KIF1B: variants seen among roughly 807,000 people sequenced by gnomAD.
KIF1B encodes kinesin-like protein KIF1B.
In KIF1B, 76 loss-of-function variants were observed where a neutral mutation model predicts 241.9. The ratio of observed to expected loss-of-function variants is 0.31; its 90% CI spans 0.26 to 0.38. KIF1B has a LOEUF of 0.38. KIF1B is among the 10% of genes least tolerant of loss of function. KIF1B has a pLI of 1.00. For missense variants in KIF1B, 1,622 were observed against 2,271.4 expected (o/e 0.71, Z 5.81); for synonymous variants, 750 against 796.7 (o/e 0.94, Z 0.99).
At chr1:10,277,864 T>C in intron 12 of KIF1B, 122 bp from the exon 13 acceptor site, 1 of 859,942 alleles carries the variant, frequency 1.2e-6, no homozygotes, top group Non-Finnish European at 1.9e-6. Context: ...TACAAATGTA[T>C]TATTATCAAG....
chr1:10,282,283 T>G (rs1285819244), intron 14 of KIF1B, 39 bp from the exon 15 acceptor site: 21 of 1,508,234 alleles, frequency 1.4e-5, no homozygotes, highest in Non-Finnish European at 1.9e-5. Context: ...CTTTCCCTTT[T>G]CCCTACTTTT....
chr1:10,231,808 AAC>A (rs1491509244), intron 1 of KIF1B, among the ~76,000 whole-genome samples: 1 of 152,164 alleles, frequency 6.6e-6, no homozygotes, highest in Non-Finnish European at 1.5e-5. Flanking sequence ...TCGATCCAGA[AAC>A]ACACACAGAG....
At chr1:10,338,069 A>T (rs1652248654) in intron 31 of KIF1B, among the ~76,000 whole-genome samples, 1 of 152,094 alleles carries the variant, frequency 6.6e-6, no homozygotes, top group African/African-American at 2.4e-5. Context: ...TGTGCTCTGG[A>T]TGCTTTCTTC....
intron 36 of KIF1B, 73 bp from the exon 37 acceptor site, chr1:10,348,576 A>G (rs1652672091): frequency 9.2e-7 from 1 of 1,089,798 alleles, no homozygotes; most frequent in African/African-American, 1.5e-5. Flanking sequence ...CATGCCATAC[A>G]GGCCAGAAAA....
intron 37 of KIF1B, among the ~76,000 whole-genome samples, chr1:10,351,183 A>G (rs552284407): frequency 4.0e-5 from 6 of 150,406 alleles, no homozygotes; most frequent in African/African-American, 1.2e-4. Context: ...TTCTTTTTTT[A>G]ATTTAGTTTT....
chr1:10,348,326 A>G (rs1046937479), intron 36 of KIF1B, among the ~76,000 whole-genome samples: 9 of 152,220 alleles, frequency 5.9e-5, no homozygotes, highest in Non-Finnish European at 1.2e-4. Flanking sequence ...GGGACATACA[A>G]TCAGGGCATG....
intron 16 of KIF1B, among the ~76,000 whole-genome samples, chr1:10,291,845 T>C (rs985457984): frequency 6.6e-6 from 1 of 152,200 alleles, no homozygotes; most frequent in African/African-American, 2.4e-5. Flanking sequence ...CAAAGCAAGA[T>C]TTCATTGATT....
intron 27 of KIF1B, among the ~76,000 whole-genome samples, chr1:10,328,609 G>A (rs1651808534): frequency 6.6e-6 from 1 of 152,220 alleles, no homozygotes; most frequent in Non-Finnish European, 1.5e-5. Context: ...TGTTCTAAGG[G>A]AGTTGGAAGT....
intron 43 of KIF1B, among the ~76,000 whole-genome samples, chr1:10,367,019 G>A (rs564420844): frequency 6.6e-6 from 1 of 152,170 alleles, no homozygotes; most frequent in East Asian, 1.9e-4. Flanking sequence ...TGGATTGATG[G>A]TGAAGAGATA....
In KIF1B at chr1:10,378,209, G is replaced by T; in HGVS notation, c.*1622G>T. ...AAAACACAATATGCCTAGGGGCACG[G>T]ATGAACGTCCAGGGAGCCCGGGCCC... On this transcript the variant is annotated 3_prime_UTR_variant, in exon 49 of 49. Coordinates refer to ENST00000676179, the MANE Select transcript of KIF1B (RefSeq NM_001365951.3). 6.0e-6 allele frequency: 4 copies of T among 669,750 alleles called. No individual in the cohort carries two copies. Among genetic ancestry groups the T allele is most frequent in the Non-Finnish European group, 8.2e-6 (3 of 366,336 alleles). The allele number at this position is 669,750 out of a possible 1,614,324, so 41.5% of individuals were successfully genotyped here.
In KIF1B at chr1:10,376,862, C is replaced by CACACAT. The variant is rs886044990; in HGVS notation, c.*281_*286dup. The CACACAT allele has an allele frequency of 1.6e-5, 7 of 448,016 alleles. No individual in the cohort carries two copies. The highest frequency in any genetic ancestry group is 1.0e-4 in the Admixed American group (3 of 29,230). The allele number at this position is 448,016 out of a possible 1,614,324, so 27.8% of individuals were successfully genotyped here. A position where few individuals can be genotyped will look rare whatever the true frequency, so the allele number is the denominator to read the frequency against. On this transcript the variant is annotated 3_prime_UTR_variant, in exon 49 of 49. Transcript: ENST00000676179. ...ACACACACACACACACACACACACACACACATACACAGACAAAAACACAAA... is the reference window on the plus strand; with the variant it reads ...ACACACACACACACACACACACACACACACATACACATACACAGACAAAAACACAAA...
intron 45 of KIF1B, among the ~76,000 whole-genome samples, chr1:10,373,480 C>G (rs1638802285): frequency 6.6e-6 from 1 of 151,568 alleles, no homozygotes; most frequent in Admixed American, 6.6e-5. Context: ...GGTGATCTGC[C>G]TACCTCGGCC....
chr1:10,359,114 TG>T (rs1638342675), intron 38 of KIF1B, among the ~76,000 whole-genome samples: 2 of 152,150 alleles, frequency 1.3e-5, no homozygotes, highest in Admixed American at 6.5e-5. Context: ...GGTGTGGTCA[TG>T]GGGTTCAGTT....
chr1:10,230,026 T>C (rs1395752985), intron 1 of KIF1B, among the ~76,000 whole-genome samples: 1 of 151,708 alleles, frequency 6.6e-6, no homozygotes, highest in Non-Finnish European at 1.5e-5. Flanking sequence ...AAATAAAATA[T>C]TAGTTGGGTG....
chr1:10,343,866 AT>A (rs1652490993), intron 34 of KIF1B, among the ~76,000 whole-genome samples: 1 of 152,228 alleles, frequency 6.6e-6, no homozygotes, highest in South Asian at 2.1e-4. Context: ...GCAGATTTTG[AT>A]AATCACTCTG....
rs1382320583 is a variant in KIF1B at position 10,377,425 on chromosome 1, G to A, written c.*838G>A. 4.4e-6 allele frequency: 1 copy of A among 227,212 alleles called. No individual in the cohort carries two copies. The highest frequency in any genetic ancestry group is 8.7e-6 in the Non-Finnish European group (1 of 114,332). 14.1% of individuals were successfully genotyped at this position (227,212 alleles called of 1,614,324 possible). ...TGGCCGTGGGCCGTGATGGCAGCAG[G>A]CGGTGGGATGCTTGTAGCTCCTCAC... On this transcript the variant is annotated 3_prime_UTR_variant, in exon 49 of 49. Coordinates refer to ENST00000676179, the MANE Select transcript of KIF1B (RefSeq NM_001365951.3).
intron 22 of KIF1B, among the ~76,000 whole-genome samples, chr1:10,311,281 C>T (rs1651053738): frequency 6.7e-6 from 1 of 148,476 alleles, no homozygotes; most frequent in African/African-American, 2.5e-5. Context: ...GTGGCACGAT[C>T]TGAGCTTACT....
Position 10,378,755 on chromosome 1 carries a change from C to T in KIF1B, c.*2168C>T. On this transcript the variant is annotated 3_prime_UTR_variant, in exon 49 of 49. Coordinates refer to ENST00000676179, the MANE Select transcript of KIF1B (RefSeq NM_001365951.3). ...CTCTGAAGAACAGGTCTCCCAGCTT[C>T]GCTCCTTATCACTGCATTGTGAAGA... 3.1e-6 allele frequency: 1 copy of T among 322,612 alleles called. No homozygotes were observed. Among genetic ancestry groups the T allele is most frequent in the South Asian group, 5.2e-5 (1 of 19,312 alleles). 20.0% of individuals were successfully genotyped at this position (322,612 alleles called of 1,614,324 possible).
At chr1:10,266,797 GAT>G in intron 5 of KIF1B, among the ~76,000 whole-genome samples, 1 of 152,116 alleles carries the variant, frequency 6.6e-6, no homozygotes, top group East Asian at 1.9e-4. Context: ...ACATTCCAGA[GAT>G]AATCTGTTTA....
Sources: gnomAD v4.1 joint callset for allele counts (sites outside exome capture counted in the v4.1 genomes callset) on GRCh38, gnomAD v4.1.1 for gene constraint, MANE v1.5 for transcripts, NCBI Gene and HGNC (gene_info 2026-07-23, HGNC 2026-07-21) for gene names.